Variants in PPP2R1B observed in about 807,000 individuals in gnomAD.
PPP2R1B encodes the protein protein phosphatase 2 scaffold subunit Abeta, also known as serine/threonine-protein phosphatase 2A 65 kDa regulatory subunit A beta isoform.
Under a neutral mutation model 72.7 loss-of-function variants are expected in PPP2R1B, and 58 were observed. The observed-to-expected ratio is 0.80, with a 90% CI of 0.65 to 0.99. The LOEUF is 0.99. PPP2R1B is among the 50% of genes least tolerant of loss of function. PPP2R1B has a pLI of 0.00. For synonymous variants in PPP2R1B, 256 were observed against 264.6 expected (o/e 0.97, Z 0.32); for missense variants, 695 against 733.6 (o/e 0.95, Z 0.61).
chr11:111,744,375 A>G (rs1944630451), intron 11 of PPP2R1B, among the ~76,000 whole-genome samples: 1 of 152,244 alleles, frequency 6.6e-6, no homozygotes, highest in South Asian at 2.1e-4. Flanking sequence ...CCTCTCCATG[A>G]AAATGCTTAG....
At position 111,743,459 on chromosome 11, in the gene PPP2R1B, G is replaced by C; in HGVS notation, c.1471C>G (p.Gln491Glu). The change falls in exon 12 of 15, where the codon CAA becomes GAA. Residue 491 changes from glutamine (Q) to glutamate (E), a missense_variant. Gln to Glu is a conservative substitution (Grantham distance 29). Transcript: ENST00000527614. ...LVQKFGTEWA[Q>E]NTIVPKVLVM... ...AACACTTTGGGAACAATAGTATTTT[G>C]GGCCCACTCTGTACCAAACTTCTGA... The C allele has an allele frequency of 1.9e-6, 3 of 1,613,732 alleles. No homozygotes were observed. Among genetic ancestry groups the C allele is most frequent in the Non-Finnish European group, 2.5e-6 (3 of 1,179,786 alleles).
chr11:111,763,847 ACTCTCTCT>A (rs60119313), intron 3 of PPP2R1B, among the ~76,000 whole-genome samples: 8 of 146,232 alleles, frequency 5.5e-5, no homozygotes, highest in African/African-American at 1.5e-4. Context: ...CAGAAAAAAA[ACTCTCTCT>A]CTCTCTCTCT....
chr11:111,738,223 C>T lies in PPP2R1B; in HGVS notation c.*3373G>A. The T allele has an allele frequency of 7.1e-6, 7 of 985,580 alleles. No individual in the cohort carries two copies. The highest frequency in any genetic ancestry group is 8.4e-6 in the Non-Finnish European group (7 of 830,074). The allele number at this position is 985,580 out of a possible 1,614,324, so 61.1% of individuals were successfully genotyped here. A position where few individuals can be genotyped will look rare whatever the true frequency, so the allele number is the denominator to read the frequency against. On this transcript the variant is annotated 3_prime_UTR_variant, in exon 15 of 15. Transcript: ENST00000527614. ...GAGAACACTGGGCAACAGGGCCTCT[C>T]CCTCTACAGTTTCATATCCAAGCAG...
At chr11:111,689,086 A>T in the PPP2R1B span, among the ~76,000 whole-genome samples, 1 of 152,226 alleles carries the variant, frequency 6.6e-6, no homozygotes, top group Non-Finnish European at 1.5e-5. Flanking sequence ...ACAGAAGCAG[A>T]ATGTTGCAGG....
the PPP2R1B span, among the ~76,000 whole-genome samples, chr11:111,694,851 A>T: frequency 5.6e-3 from 851 of 152,042 alleles, 9 homozygotes; most frequent in Non-Finnish European, 8.9e-3. Context: ...GCTAAGGAAG[A>T]TTATTTATTT....
chr11:111,702,569 CAAT>C, the PPP2R1B span, among the ~76,000 whole-genome samples: 3 of 152,038 alleles, frequency 2.0e-5, no homozygotes, highest in African/African-American at 4.8e-5. Context: ...ACCCTGTCTC[CAAT>C]AATAATATAA....
the PPP2R1B span, chr11:111,721,766 C>G: frequency 7.6e-7 from 1 of 1,317,592 alleles, no homozygotes; most frequent in South Asian, 1.4e-5. Context: ...GGTGCTTCAG[C>G]TAAGAACTGA....
Position 111,743,390 on chromosome 11 carries a change from A to C in PPP2R1B, c.1540T>G (p.Leu514Val). The change falls in exon 12 of 15, where the codon TTA (leucine) becomes GTA (valine). Residue 514 changes from leucine (L) to valine (V), a missense_variant. Transcript: ENST00000527614. The part of the protein sequence containing the change: ...DPNYLHRMTT[L>V]FCINALSEAC... The stretch of plus-strand genomic sequence containing the variant: ...GTTATACTTACATTAATGCAGAATA[A>C]AGTGGTCATTCTATGCAAGTAATTA... 6.2e-7 allele frequency: 1 copy of C among 1,610,332 alleles called. No individual in the cohort carries two copies. Among genetic ancestry groups the C allele is most frequent in the Admixed American group, 1.7e-5 (1 of 59,680 alleles).
chr11:111,703,461 A>C, the PPP2R1B span: 37 of 1,586,324 alleles, frequency 2.3e-5, no homozygotes, highest in East Asian at 8.1e-4. Context: ...TACTGCACTT[A>C]GCTACTTGAA....
the PPP2R1B span, among the ~76,000 whole-genome samples, chr11:111,707,718 A>C: frequency 1.3e-5 from 2 of 152,168 alleles, no homozygotes; most frequent in African/African-American, 4.8e-5. Flanking sequence ...TTGATGTTCT[A>C]ATTTTTTTAA....
the PPP2R1B span, among the ~76,000 whole-genome samples, chr11:111,710,445 T>C: frequency 6.9e-3 from 1,050 of 152,330 alleles, 13 homozygotes; most frequent in African/African-American, 0.024. Context: ...ATACCAAATA[T>C]AAAGTATGTT....
intron 3 of PPP2R1B, among the ~76,000 whole-genome samples, chr11:111,764,128 G>T (rs566634908): frequency 5.3e-5 from 8 of 152,096 alleles, no homozygotes; most frequent in African/African-American, 1.9e-4. Context: ...TATTTTGTGG[G>T]TACTTATATC....
the PPP2R1B span, among the ~76,000 whole-genome samples, chr11:111,708,917 T>C: frequency 6.6e-6 from 1 of 152,140 alleles, no homozygotes; most frequent in Non-Finnish European, 1.5e-5. Context: ...GCCTAACCAC[T>C]TGTTTTTAAC....
chr11:111,738,870 T>C lies in PPP2R1B; in HGVS notation c.*2726A>G, dbSNP rs1591673139. On this transcript the variant is annotated 3_prime_UTR_variant, in exon 15 of 15. Transcript: ENST00000527614. ...TGTTGCTGAGACATTTTTATTGGCA[T>C]AGGTTATATGTTTGTGTGTGTGTGT... 3 of 979,908 alleles carry C rather than the reference T, an allele frequency of 3.1e-6. No homozygotes were observed. The highest frequency in any genetic ancestry group is 9.5e-5 in the South Asian group (2 of 21,018). 60.7% of individuals were successfully genotyped at this position (979,908 alleles called of 1,614,324 possible). A position where few individuals can be genotyped will look rare whatever the true frequency, so the allele number is the denominator to read the frequency against.
downstream of PPP2R1B, chr11:111,724,193 G>A (rs901481023): frequency 4.6e-6 from 7 of 1,531,718 alleles, no homozygotes; most frequent in Admixed American, 1.4e-4. Flanking sequence ...TTTTATTCCA[G>A]CCTTTTAAAT....
chr11:111,713,693 G>A, the PPP2R1B span, among the ~76,000 whole-genome samples: 1 of 152,220 alleles, frequency 6.6e-6, no homozygotes, highest in East Asian at 1.9e-4. Flanking sequence ...TATGGGCCGG[G>A]CATGGTGGCT....
intron 11 of PPP2R1B, among the ~76,000 whole-genome samples, chr11:111,744,060 A>C (rs958332320): frequency 6.6e-6 from 1 of 152,202 alleles, no homozygotes; most frequent in African/African-American, 2.4e-5. Context: ...AATTCCTAGA[A>C]AGGGTAAAGA....
downstream of PPP2R1B, chr11:111,723,709 C>T (rs747085767): frequency 1.4e-5 from 22 of 1,614,094 alleles, no homozygotes; most frequent in Non-Finnish European, 1.8e-5. Context: ...AGATGCAATA[C>T]AGCCCTTTCC....
Position 111,766,296 on chromosome 11 carries a change from T to G in PPP2R1B, c.66A>C (p.Leu22=). 6.3e-7 allele frequency: 1 copy of G among 1,596,442 alleles called. No homozygotes were observed. Among genetic ancestry groups the G allele is most frequent in the Middle Eastern group, 1.7e-4 (1 of 5,996 alleles). ...GAAGGDGDDS[L]YPIAVLIDEL... Reference sequence around the variant, plus strand: ...CGTCGATTAAAACCGCGATCGGGTATAGCGAATCATCTCCATCTCCACCCG... The same window carrying G: ...CGTCGATTAAAACCGCGATCGGGTAGAGCGAATCATCTCCATCTCCACCCG... Residue 22 remains leucine, a synonymous_variant, in exon 1 of 15, where the codon CTA becomes CTC. Coordinates refer to ENST00000527614, the MANE Select transcript of PPP2R1B (RefSeq NM_002716.5).
Sources: gnomAD v4.1 joint callset for allele counts (sites outside exome capture counted in the v4.1 genomes callset) on GRCh38, gnomAD v4.1.1 for gene constraint, MANE v1.5 for transcripts, NCBI Gene and HGNC (gene_info 2026-07-23, HGNC 2026-07-21) for gene names.